ANGPT2: variants seen among roughly 807,000 people sequenced by gnomAD.
ANGPT2 encodes angiopoietin-2.
In ANGPT2, 28 loss-of-function variants were observed where a neutral mutation model predicts 62.9. The ratio of observed to expected loss-of-function variants is 0.44; its 90% CI spans 0.33 to 0.61. The LOEUF (loss-of-function observed/expected upper bound fraction) is 0.61, where lower values mean the gene tolerates loss of function less well. Ranked by LOEUF, ANGPT2 falls within the 20% of genes least tolerant of loss-of-function variation. The pLI is 0.03. For synonymous variants in ANGPT2, 284 were observed against 207.8 expected, an observed-to-expected ratio of 1.37 and a Z score of -3.15; for missense variants, 727 against 594.9, an observed-to-expected ratio of 1.22 and a Z score of -2.31.
At chr8:6,528,729 T>C (rs3824310) in intron 2 of ANGPT2, among the ~76,000 whole-genome samples, 37,923 of 152,250 alleles carry the variant, frequency 0.25, 5,339 homozygotes, top group Middle Eastern at 0.39. Flanking sequence ...TGATATCACA[T>C]GCAAATGTCA....
chr8:6,530,416 C>T (rs901649327), intron 2 of ANGPT2, among the ~76,000 whole-genome samples: 8 of 149,190 alleles, frequency 5.4e-5, no homozygotes, highest in African/African-American at 1.7e-4. Flanking sequence ...GGCTAAGGCA[C>T]GAGAATCGCT....
At chr8:6,558,766 A>G (rs1034126792) in intron 1 of ANGPT2, among the ~76,000 whole-genome samples, 1 of 152,172 alleles carries the variant, frequency 6.6e-6, no homozygotes, top group Non-Finnish European at 1.5e-5. Context: ...AGTATGTCAG[A>G]CAACCCCATT....
In ANGPT2 at chr8:6,502,988, A is replaced by G; in HGVS notation, c.*113T>C. ...GAGCATGTGGGTCCCGTCAGCACCGAGCACACGCCCTCTGTGGTGGAAGAG... is the reference window on the plus strand; with the variant it reads ...GAGCATGTGGGTCCCGTCAGCACCGGGCACACGCCCTCTGTGGTGGAAGAG... On this transcript the variant is annotated 3_prime_UTR_variant, in exon 9 of 9. Coordinates refer to ENST00000629816, the MANE Select transcript of ANGPT2 (RefSeq NM_001118887.2). The G allele has an allele frequency of 7.7e-7, 1 of 1,298,266 alleles. No individual in the cohort carries two copies. The highest frequency in any genetic ancestry group is 1.1e-6 in the Non-Finnish European group (1 of 928,174). The allele number at this position is 1,298,266 out of a possible 1,614,324, so 80.4% of individuals were successfully genotyped here.
chr8:6,504,078 G>T (rs1398336304), intron 8 of ANGPT2, among the ~76,000 whole-genome samples: 4 of 152,170 alleles, frequency 2.6e-5, no homozygotes, highest in Non-Finnish European at 4.4e-5. Context: ...CAGCACTTTG[G>T]GAGGCCGAGG....
intron 7 of ANGPT2, among the ~76,000 whole-genome samples, chr8:6,512,869 G>T (rs939216027): frequency 6.6e-6 from 1 of 152,200 alleles, no homozygotes; most frequent in Non-Finnish European, 1.5e-5. Flanking sequence ...GTAGAGGAGA[G>T]CAGAGTTGAC....
At chr8:6,503,936 C>G (rs1005961578) in intron 8 of ANGPT2, among the ~76,000 whole-genome samples, 1 of 152,142 alleles carries the variant, frequency 6.6e-6, no homozygotes, top group African/African-American at 2.4e-5. Flanking sequence ...CACAGTAGTC[C>G]CCCCTTATCT....
At chr8:6,532,021 C>T in intron 2 of ANGPT2, among the ~76,000 whole-genome samples, 1 of 152,172 alleles carries the variant, frequency 6.6e-6, no homozygotes, top group East Asian at 1.9e-4. Flanking sequence ...TTCCCGGAGT[C>T]CAGAAAGCAC....
chr8:6,518,674 C>T (rs149023088), intron 5 of ANGPT2, among the ~76,000 whole-genome samples: 1 of 152,156 alleles, frequency 6.6e-6, no homozygotes, highest in Non-Finnish European at 1.5e-5. Context: ...AGAGATAATA[C>T]TTCCAAGAGC....
intron 1 of ANGPT2, among the ~76,000 whole-genome samples, chr8:6,548,360 G>A (rs1160664447): frequency 6.6e-6 from 1 of 152,204 alleles, no homozygotes; most frequent in Non-Finnish European, 1.5e-5. Context: ...TCATGGGCAA[G>A]TCCATGCTAG....
chr8:6,511,564 C>G (rs80237395), intron 7 of ANGPT2, among the ~76,000 whole-genome samples: 13,375 of 152,144 alleles, frequency 0.088, 1,089 homozygotes, highest in African/African-American at 0.21. Context: ...AAAAAAAATC[C>G]CTTACATGCT....
At chr8:6,519,829 G>A (rs750361458) in intron 5 of ANGPT2, 35 bp downstream of exon 5, 6 of 1,609,730 alleles carry the variant, frequency 3.7e-6, no homozygotes, top group Middle Eastern at 1.6e-4. Flanking sequence ...CCTGCCTAGA[G>A]CCAGGGAGTT....
chr8:6,560,061 A>G lies in ANGPT2; in HGVS notation c.288+2586T>C, dbSNP rs532395628. Among the ~76,000 whole-genome samples, 5 of 152,328 alleles carry G rather than the reference A, an allele frequency of 3.3e-5. No individual in the cohort carries two copies. In the East Asian group the frequency reaches 9.6e-4, roughly 29 times the overall value. On this transcript the variant is annotated intron_variant, in intron 1 of 8. Coordinates refer to ENST00000629816, the MANE Select transcript of ANGPT2 (RefSeq NM_001118887.2). ...GGCTATGCTGACCACTCAGAGGTTG[A>G]ACTACTATTTATTTGCCCTAAAATG...
chr8:6,551,695 T>C (rs566759587), intron 1 of ANGPT2, among the ~76,000 whole-genome samples: 2 of 152,322 alleles, frequency 1.3e-5, no homozygotes, highest in South Asian at 4.2e-4. Flanking sequence ...TGGAAAAGTT[T>C]AAGGAAATTT....
intron 2 of ANGPT2, among the ~76,000 whole-genome samples, chr8:6,528,152 C>G (rs1026605122): frequency 6.6e-6 from 1 of 152,204 alleles, no homozygotes; most frequent in Admixed American, 6.5e-5. Flanking sequence ...CTGCCTCGGC[C>G]TCCCATAGTG....
At chr8:6,512,041 G>C (rs937430887) in intron 7 of ANGPT2, among the ~76,000 whole-genome samples, 2 of 151,764 alleles carry the variant, frequency 1.3e-5, no homozygotes, top group African/African-American at 4.8e-5. Context: ...AGTCAAGTTG[G>C]AACTGCTGTG....
In ANGPT2 at chr8:6,505,458, A is replaced by T. The variant is rs1290116134; in HGVS notation, c.1328-2197T>A. Among the ~76,000 whole-genome samples the T allele has an allele frequency of 1.7e-4, 12 of 71,292 alleles. 1 individual carries two copies. The highest frequency in any genetic ancestry group is 6.0e-4 in the African/African-American group (12 of 20,018). 46.8% of individuals were successfully genotyped at this position (71,292 alleles called of 152,430 possible). Reference sequence around the variant, plus strand: ...TATATTCTTTATATACATATAGAATATATATATTCTTTACATATATAGAAT... The same window carrying T: ...TATATTCTTTATATACATATAGAATTTATATATTCTTTACATATATAGAAT... On this transcript the variant is annotated intron_variant, in intron 8 of 8. Coordinates refer to ENST00000629816, the MANE Select transcript of ANGPT2 (RefSeq NM_001118887.2).
chr8:6,549,605 T>C (rs1823252449), intron 1 of ANGPT2, among the ~76,000 whole-genome samples: 1 of 151,606 alleles, frequency 6.6e-6, no homozygotes, highest in South Asian at 2.1e-4. Flanking sequence ...CATCTTGAGT[T>C]GGGCGGTCGT....
In ANGPT2 at chr8:6,514,067, A is replaced by T. The variant is rs529549917; in HGVS notation, c.1030-223T>A. Among the ~76,000 whole-genome samples, 15 of 152,294 alleles carry T rather than the reference A, an allele frequency of 9.8e-5. No individual in the cohort carries two copies. The East Asian group carries it at 2.9e-3, about 29-fold the overall frequency. Reference sequence around the variant, plus strand: ...AGAAAACTTGTATTAGGATAATGAGAACTACTTGGGGAGCCACCAGCAGAA... The same window carrying T: ...AGAAAACTTGTATTAGGATAATGAGTACTACTTGGGGAGCCACCAGCAGAA... On this transcript the variant is annotated intron_variant, in intron 6 of 8. Transcript: ENST00000629816.
chr8:6,557,688 T>TACACAC (rs112788253), intron 1 of ANGPT2, among the ~76,000 whole-genome samples: 17,689 of 148,718 alleles, frequency 0.12, 1,119 homozygotes, highest in South Asian at 0.17. Context: ...TATGTGTGTG[T>TACACAC]ACACACACAC....
Sources: gnomAD v4.1 joint callset for allele counts (sites outside exome capture counted in the v4.1 genomes callset) on GRCh38, gnomAD v4.1.1 for gene constraint, MANE v1.5 for transcripts, NCBI Gene and HGNC (gene_info 2026-07-23, HGNC 2026-07-21) for gene names.